Variants in EDEM2 observed in about 807,000 individuals in gnomAD.
EDEM2 encodes the protein ER degradation enhancing alpha-mannosidase like protein 2, also known as ER degradation-enhancing alpha-mannosidase-like protein 2.
EDEM2 carries 39 observed loss-of-function variants against 64.8 expected under a neutral mutation model. That is an observed-to-expected ratio of 0.60 (90% confidence interval 0.47 to 0.79). The LOEUF (loss-of-function observed/expected upper bound fraction) is 0.79. Ranked by LOEUF, EDEM2 falls within the 30% of genes least tolerant of loss-of-function variation. The probability of loss-of-function intolerance (pLI) is 0.00; values close to 1 mark genes in which losing one functional copy is unlikely to be tolerated. For synonymous variants in EDEM2, 296 were observed against 291.5 expected (o/e 1.02, Z -0.16); for missense variants, 609 against 731.3 (o/e 0.83, Z 1.93).
intron 9 of EDEM2, among the ~76,000 whole-genome samples, chr20:35,121,134 C>T (rs2085363770): frequency 6.6e-6 from 1 of 152,176 alleles, no homozygotes; most frequent in African/African-American, 2.4e-5. Context: ...ATGTGCATTA[C>T]ATTTATTGTG....
chr20:35,124,063 T>C (rs1600703866), intron 8 of EDEM2, 29 bp from the exon 9 acceptor site: 1 of 1,605,422 alleles, frequency 6.2e-7, no homozygotes, highest in African/African-American at 1.3e-5. Context: ...GTCAGGCAGG[T>C]AGACACCAGG....
At chr20:35,134,711 A>T (rs1433690258) in intron 6 of EDEM2, 27 bp downstream of exon 6, 2 of 1,611,300 alleles carry the variant, frequency 1.2e-6, no homozygotes, top group Admixed American at 1.7e-5. Flanking sequence ...GCAGGGACTC[A>T]AACAGGAAGG....
At chr20:35,126,741 T>C (rs2085438300) in intron 7 of EDEM2, among the ~76,000 whole-genome samples, 1 of 152,044 alleles carries the variant, frequency 6.6e-6, no homozygotes, top group Non-Finnish European at 1.5e-5. Flanking sequence ...GGAGAAACCC[T>C]GTCTCTACTA....
intron 4 of EDEM2, 106 bp downstream of exon 4, chr20:35,142,267 G>T: frequency 1.1e-6 from 1 of 881,090 alleles, no homozygotes; most frequent in South Asian, 1.6e-5. Context: ...TTTTGGCCAA[G>T]GGTCCTGGCA....
intron 5 of EDEM2, among the ~76,000 whole-genome samples, chr20:35,137,254 C>T (rs530846094): frequency 3.2e-4 from 49 of 152,046 alleles, no homozygotes; most frequent in Admixed American, 5.2e-4. Flanking sequence ...TTCATCTCTA[C>T]TAAAAAATAC....
intron 5 of EDEM2, 134 bp downstream of exon 5, chr20:35,137,746 C>G: frequency 7.7e-7 from 1 of 1,299,998 alleles, no homozygotes; most frequent in South Asian, 1.5e-5. Flanking sequence ...ATGGTGGGTG[C>G]CTGGTGGGTA....
At chr20:35,145,114 C>A in intron 2 of EDEM2, 96 bp from the exon 3 acceptor site, 1 of 1,231,524 alleles carries the variant, frequency 8.1e-7, no homozygotes. Context: ...CTAAATGAGG[C>A]AAAGTAATGC....
At position 35,115,712 on chromosome 20, in the gene EDEM2, G is replaced by C; in HGVS notation, c.1458C>G (p.His486Gln). The stretch of plus-strand genomic sequence containing the variant: ...GCTCTTCCTTCAGCCTCTGGCAGCA[G>C]TGCAGGGCGGCAGGGTCGATGGGGT... ...EAHPIDPAAL[H>Q]CCQRLKEEQW... Residue 486 changes from histidine (H) to glutamine (Q), a missense_variant, in exon 11 of 11, where the codon CAC becomes CAG. By Grantham distance (24) the His-to-Gln change is conservative. Coordinates refer to ENST00000374492, the MANE Select transcript of EDEM2 (RefSeq NM_018217.3). 6.2e-7 allele frequency: 1 copy of C among 1,614,234 alleles called. No homozygotes were observed. The highest frequency in any genetic ancestry group is 8.5e-7 in the Non-Finnish European group (1 of 1,180,042).
At chr20:35,135,671 C>G (rs1366676451) in intron 5 of EDEM2, among the ~76,000 whole-genome samples, 2 of 144,120 alleles carry the variant, frequency 1.4e-5, no homozygotes, top group African/African-American at 5.4e-5. Context: ...TAATAATAAA[C>G]AAAGCCATTC....
At chr20:35,123,149 C>T (rs1023424202) in intron 9 of EDEM2, among the ~76,000 whole-genome samples, 7 of 152,252 alleles carry the variant, frequency 4.6e-5, no homozygotes, top group Non-Finnish European at 8.8e-5. Context: ...TCCTAAGGTC[C>T]GCCCCAAAGT....
At chr20:35,134,979 C>A in intron 5 of EDEM2, 30 bp from the exon 6 acceptor site, 1 of 1,608,464 alleles carries the variant, frequency 6.2e-7, no homozygotes, top group Non-Finnish European at 8.5e-7. Context: ...TGATCCCGGA[C>A]AGGAGCAGGG....
In EDEM2 at chr20:35,134,730, G is replaced by A. The variant is rs115426998; in HGVS notation, c.702+8C>T. The A allele has an allele frequency of 9.4e-5, 151 of 1,612,352 alleles. 1 individual carries two copies. The Middle Eastern group carries it at 1.9e-3, about 20-fold the overall frequency. On this transcript the variant is annotated splice_region_variant and intron_variant, in intron 6 of 10. Transcript: ENST00000374492. ...GGACTCAAACAGGAAGGGCAGCAGC[G>A]AACCTACCAGCCCGATATCTGACCG... is the stretch of plus-strand genomic sequence containing the variant.
At chr20:35,131,871 G>C in intron 6 of EDEM2, 88 bp from the exon 7 acceptor site, 1 of 1,489,178 alleles carries the variant, frequency 6.7e-7, no homozygotes. Flanking sequence ...TGCCCAGGGA[G>C]ATGCAGGGCA....
chr20:35,136,616 G>A (rs1183820729), intron 5 of EDEM2, among the ~76,000 whole-genome samples: 2 of 152,054 alleles, frequency 1.3e-5, no homozygotes, highest in Non-Finnish European at 2.9e-5. Flanking sequence ...AGCCATGCAT[G>A]GTGGCATCTG....
In EDEM2 at chr20:35,142,365, G is replaced by T; in HGVS notation, c.364+8C>A. 3.1e-6 allele frequency: 5 copies of T among 1,606,016 alleles called. No individual in the cohort carries two copies. The highest frequency in any genetic ancestry group is 4.3e-6 in the Non-Finnish European group (5 of 1,173,092). ...TTTCTTTTAAAGGTCCTAGAGAGCAGCCCTTACCTCGAATGTTTGTTTCAA... is the reference window on the plus strand; with the variant it reads ...TTTCTTTTAAAGGTCCTAGAGAGCATCCCTTACCTCGAATGTTTGTTTCAA... On this transcript the variant is annotated splice_region_variant and intron_variant, in intron 4 of 10. Transcript: ENST00000374492.
Position 35,118,685 on chromosome 20 carries a change from G to A in EDEM2, c.1149C>T (p.Ala383=). 6.2e-7 allele frequency: 1 copy of A among 1,613,216 alleles called. No homozygotes were observed. The highest frequency in any genetic ancestry group is 8.5e-7 in the Non-Finnish European group (1 of 1,180,006). ...GTTCTAGGAGGGTGGGATCCCCCGTGGCACGGTAGAGGTACATTGCGCTTT... is the reference window on the plus strand; with the variant it reads ...GTTCTAGGAGGGTGGGATCCCCCGTAGCACGGTAGAGGTACATTGCGCTTT... ...LIESAMYLYR[A]TGDPTLLELG... is the part of the protein sequence containing the mutation. The change falls in exon 10 of 11, where the codon GCC becomes GCT. Residue 383 remains alanine, a synonymous_variant. Transcript: ENST00000374492.
At chr20:35,142,825 G>A (rs1040366231) in intron 3 of EDEM2, among the ~76,000 whole-genome samples, 8 of 152,142 alleles carry the variant, frequency 5.3e-5, no homozygotes, top group African/African-American at 1.9e-4. Context: ...GAGTGCAGTG[G>A]CGTGATCTTG....
chr20:35,136,955 A>G (rs73903017), intron 5 of EDEM2, among the ~76,000 whole-genome samples: 20,778 of 151,980 alleles, frequency 0.14, 1,751 homozygotes, highest in African/African-American at 0.24. Context: ...TGGAGGCTTG[A>G]CCTGCAGCCC....
intron 9 of EDEM2, among the ~76,000 whole-genome samples, chr20:35,120,375 T>A (rs1198080030): frequency 6.6e-6 from 1 of 152,178 alleles, no homozygotes; most frequent in East Asian, 1.9e-4. Context: ...TAGTTCTTAT[T>A]TTAGAGAAAA....
Sources: gnomAD v4.1 joint callset for allele counts (sites outside exome capture counted in the v4.1 genomes callset) on GRCh38, gnomAD v4.1.1 for gene constraint, MANE v1.5 for transcripts, NCBI Gene and HGNC (gene_info 2026-07-23, HGNC 2026-07-21) for gene names.